The following GULP1 variants were observed in gnomAD, a reference collection of about 807,000 sequenced individuals.
GULP1 encodes GULP PTB domain containing engulfment adaptor 1.
A neutral mutation model predicts 40.9 loss-of-function variants in GULP1; 19 were observed. The ratio of observed to expected loss-of-function variants is 0.46; its 90% confidence interval spans 0.32 to 0.68. GULP1 has a LOEUF of 0.68. Ranked by LOEUF, GULP1 falls within the 30% of genes least tolerant of loss-of-function variation. The pLI, the probability that GULP1 is intolerant of heterozygous loss-of-function variation, is 0.03. For missense variants in GULP1, 312 were observed against 362.2 expected (o/e 0.86, Z 1.12); for synonymous variants, 119 against 117.6 (o/e 1.01, Z -0.08).
chr2:188,466,078 T>A (rs1175961523), intron 2 of GULP1, among the ~76,000 whole-genome samples: 1 of 152,056 alleles, frequency 6.6e-6, no homozygotes, highest in Non-Finnish European at 1.5e-5. Context: ...TTCTCCCCAG[T>A]CAGGCTATTT....
At chr2:188,583,070 C>A (rs1559405277) in intron 9 of GULP1, among the ~76,000 whole-genome samples, 1 of 151,334 alleles carries the variant, frequency 6.6e-6, no homozygotes, top group Non-Finnish European at 1.5e-5. Context: ...ATTTTTGTAT[C>A]GTGAAAAAGA....
intron 4 of GULP1, among the ~76,000 whole-genome samples, chr2:188,496,297 T>C (rs2062887890): frequency 6.6e-6 from 1 of 152,054 alleles, no homozygotes; most frequent in Non-Finnish European, 1.5e-5. Context: ...TTTGCATTTA[T>C]TTCCAAGAAA....
intron 1 of GULP1, among the ~76,000 whole-genome samples, chr2:188,331,080 AT>A: frequency 6.6e-6 from 1 of 152,336 alleles, no homozygotes; most frequent in East Asian, 1.9e-4. Flanking sequence ...TACAAAACAT[AT>A]CCCGCTAATT....
rs1179039194 is a variant in GULP1 at position 188,569,475 on chromosome 2, C to T, written c.516+120C>T. ...TTTCACCCACACTGACTGATTGGAA[C>T]TGCTTTCACCGTGTTCCCATAATTT... is the stretch of plus-strand genomic sequence containing the variant. On this transcript the variant is annotated intron_variant, in intron 8 of 11. Transcript: ENST00000409830. 12 of 717,434 alleles carry T rather than the reference C, an allele frequency of 1.7e-5. No homozygotes were observed. In the East Asian group the frequency reaches 3.1e-4, roughly 19 times the overall value. The allele number at this position is 717,434 out of a possible 1,614,324, so 44.4% of individuals were successfully genotyped here.
chr2:188,483,777 C>CAACCTAATATATAA (rs2061622719), intron 4 of GULP1, among the ~76,000 whole-genome samples: 1 of 151,936 alleles, frequency 6.6e-6, no homozygotes, highest in Non-Finnish European at 1.5e-5. Flanking sequence ...TGTAGAAACT[C>CAACCTAATATATAA]AAACCACTAA....
At chr2:188,518,248 C>G (rs1214735968) in intron 4 of GULP1, among the ~76,000 whole-genome samples, 1 of 151,868 alleles carries the variant, frequency 6.6e-6, no homozygotes, top group South Asian at 2.1e-4. Flanking sequence ...CAGAAGAAAT[C>G]AGTAAATGAG....
intron 2 of GULP1, among the ~76,000 whole-genome samples, chr2:188,457,478 C>T (rs540967967): frequency 3.9e-5 from 6 of 152,292 alleles, no homozygotes; most frequent in African/African-American, 1.4e-4. Flanking sequence ...TAGGATGTGA[C>T]TTGCTCCTGT....
chr2:188,377,307 T>G (rs2048422620), intron 1 of GULP1, among the ~76,000 whole-genome samples: 1 of 152,234 alleles, frequency 6.6e-6, no homozygotes, highest in Non-Finnish European at 1.5e-5. Flanking sequence ...TACTGTATAT[T>G]GCTGAGTTTT....
intron 2 of GULP1, among the ~76,000 whole-genome samples, chr2:188,457,058 C>T (rs2059328011): frequency 6.6e-6 from 1 of 152,130 alleles, no homozygotes; most frequent in South Asian, 2.1e-4. Flanking sequence ...ATACCTGTAC[C>T]TTCATTGTAT....
At chr2:188,529,220 A>T (rs752743515) in intron 6 of GULP1, 25 bp downstream of exon 6, 2 of 1,080,428 alleles carry the variant, frequency 1.9e-6, no homozygotes, top group African/African-American at 3.2e-5. Context: ...TTAATGTTAG[A>T]GGCAATCTTT....
At chr2:188,585,839 A>T (rs10931369) in intron 10 of GULP1, among the ~76,000 whole-genome samples, 123,464 of 152,164 alleles carry the variant, frequency 0.81, 51,401 homozygotes, top group South Asian at 0.97. Context: ...CTTTTTACTT[A>T]TGCAAATTTC....
chr2:188,462,430 AT>A (rs1341583726), intron 2 of GULP1, among the ~76,000 whole-genome samples: 2 of 152,136 alleles, frequency 1.3e-5, no homozygotes, highest in African/African-American at 4.8e-5. Context: ...GTAAATACCT[AT>A]TAGCTCCATT....
chr2:188,430,947 C>T (rs2056802078), intron 2 of GULP1, among the ~76,000 whole-genome samples: 2 of 152,190 alleles, frequency 1.3e-5, no homozygotes, highest in Non-Finnish European at 2.9e-5. Flanking sequence ...CCCACACAGT[C>T]TACTAGCATT....
chr2:188,556,058 A>G (rs1190402507), intron 7 of GULP1, among the ~76,000 whole-genome samples: 3 of 145,322 alleles, frequency 2.1e-5, no homozygotes, highest in Non-Finnish European at 4.6e-5. Flanking sequence ...ACTCTGTCTC[A>G]AAAAAAAAAA....
intron 3 of GULP1, among the ~76,000 whole-genome samples, chr2:188,479,605 A>G (rs1298315215): frequency 6.6e-6 from 1 of 152,074 alleles, no homozygotes; most frequent in African/African-American, 2.4e-5. Context: ...AGTAATAGAA[A>G]TCTTACATCA....
chr2:188,316,494 C>T, intron 1 of GULP1, among the ~76,000 whole-genome samples: 1 of 152,252 alleles, frequency 6.6e-6, no homozygotes, highest in Non-Finnish European at 1.5e-5. Flanking sequence ...AGAGTAATTA[C>T]TTGGGAAGTC....
chr2:188,388,921 G>GA lies in GULP1; in HGVS notation c.-45+5032_-45+5033insA, dbSNP rs1199777072. Among the ~76,000 whole-genome samples the GA allele has an allele frequency of 2.0e-5, 3 of 152,276 alleles. No homozygotes were observed. The East Asian group carries it at 5.8e-4, about 29-fold the overall frequency. On this transcript the variant is annotated intron_variant, in intron 2 of 11. Transcript: ENST00000409830. ...GCCTAGGTTTCCCCAAAAACATTAA[G>GA]TCTGATCAAGGTTGCCCAAGAGGCA...
intron 1 of GULP1, among the ~76,000 whole-genome samples, chr2:188,339,944 A>G (rs1482043597): frequency 6.6e-6 from 1 of 152,218 alleles, no homozygotes; most frequent in African/African-American, 2.4e-5. Flanking sequence ...GTGGACTTTA[A>G]AGTACTGTTC....
At chr2:188,338,493 C>T (rs1258249862) in intron 1 of GULP1, among the ~76,000 whole-genome samples, 11 of 151,978 alleles carry the variant, frequency 7.2e-5, no homozygotes, top group Non-Finnish European at 1.5e-4. Flanking sequence ...TTTGTAGTGA[C>T]GGGGTCTTGC....
Sources: allele counts gnomAD v4.1 joint callset (sites outside exome capture counted in the v4.1 genomes callset), GRCh38; gene constraint gnomAD v4.1.1; transcripts MANE v1.5; gene names NCBI Gene and HGNC (gene_info 2026-07-23, HGNC 2026-07-21).